Variants in SHISA6 observed in about 807,000 individuals in gnomAD.
The protein encoded by SHISA6 is shisa family member 6.
A neutral mutation model predicts 47.9 loss-of-function variants in SHISA6; 22 were observed. The ratio of observed to expected loss-of-function variants is 0.46; its 90% CI spans 0.33 to 0.66. The LOEUF is 0.66. Among genes scored for constraint, SHISA6 ranks in the 30% least tolerant of loss-of-function variants. The pLI is 0.02. For missense variants in SHISA6, 680 were observed against 764.6 expected (o/e 0.89, Z 1.30); for synonymous variants, 388 against 337.8 (o/e 1.15, Z -1.63).
rs903736502 is a variant in SHISA6 at position 11,385,217 on chromosome 17, C to T, written c.895+5708C>T. Reference sequence around the variant, plus strand: ...GTGACATTGAGCAAAGACTGACTGACGGATGTGAAGGATCAGGCCGTCTGG... The same window carrying T: ...GTGACATTGAGCAAAGACTGACTGATGGATGTGAAGGATCAGGCCGTCTGG... On this transcript the variant is annotated intron_variant, in intron 3 of 5. Coordinates refer to ENST00000441885, the MANE Select transcript of SHISA6 (RefSeq NM_207386.4). Among the ~76,000 whole-genome samples the T allele has an allele frequency of 9.2e-5, 14 of 152,096 alleles. 1 individual carries two copies. Among genetic ancestry groups the T allele is most frequent in the Admixed American group, 3.9e-4 (6 of 15,276 alleles).
In SHISA6 at chr17:11,558,361, G is replaced by T; in HGVS notation, c.*57G>T. The T allele has an allele frequency of 6.7e-7, 1 of 1,492,374 alleles. No individual in the cohort carries two copies. Among genetic ancestry groups the T allele is most frequent in the Non-Finnish European group, 8.9e-7 (1 of 1,117,514 alleles). 92.4% of individuals were successfully genotyped at this position (1,492,374 alleles called of 1,614,324 possible). ...GGCAGAGCAGAGCGGGGGCCGGGAGGGGCCAGGAGCAGAGCTTCTAGCCTT... is the reference window on the plus strand; with the variant it reads ...GGCAGAGCAGAGCGGGGGCCGGGAGTGGCCAGGAGCAGAGCTTCTAGCCTT... On this transcript the variant is annotated 3_prime_UTR_variant, in exon 6 of 6. Coordinates refer to ENST00000441885, the MANE Select transcript of SHISA6 (RefSeq NM_207386.4).
chr17:11,531,014 T>TA (rs2071727570), intron 3 of SHISA6, among the ~76,000 whole-genome samples: 1 of 152,146 alleles, frequency 6.6e-6, no homozygotes, highest in South Asian at 2.1e-4. Flanking sequence ...AGTGGACCAA[T>TA]AAAGTTTTTT....
At chr17:11,378,323 T>C (rs1413567049) in intron 2 of SHISA6, among the ~76,000 whole-genome samples, 2 of 151,206 alleles carry the variant, frequency 1.3e-5, no homozygotes, top group South Asian at 4.2e-4. Flanking sequence ...GTGCTTTTTT[T>C]CTATCTTGTG....
intron 2 of SHISA6, among the ~76,000 whole-genome samples, chr17:11,298,638 G>A (rs1306916453): frequency 6.6e-6 from 1 of 152,236 alleles, no homozygotes; most frequent in Non-Finnish European, 1.5e-5. Flanking sequence ...GTGCTAGGCA[G>A]TGTTGCAGTG....
chr17:11,540,213 C>T (rs983447206), intron 3 of SHISA6, among the ~76,000 whole-genome samples: 5 of 152,148 alleles, frequency 3.3e-5, no homozygotes, highest in Admixed American at 2.0e-4. Flanking sequence ...CCCTCTGTAT[C>T]GACTCTCCAC....
intron 3 of SHISA6, among the ~76,000 whole-genome samples, chr17:11,530,342 T>C (rs973490399): frequency 6.6e-6 from 1 of 152,188 alleles, no homozygotes; most frequent in Admixed American, 6.5e-5. Context: ...ATCATGGAAG[T>C]GTGCATTATT....
intron 3 of SHISA6, among the ~76,000 whole-genome samples, chr17:11,382,837 T>C (rs1055193947): frequency 6.6e-6 from 1 of 152,148 alleles, no homozygotes; most frequent in South Asian, 2.1e-4. Context: ...AATCAGACTC[T>C]GATTGTCCAA....
intron 3 of SHISA6, among the ~76,000 whole-genome samples, chr17:11,548,056 C>G (rs1337541584): frequency 6.6e-6 from 1 of 152,018 alleles, no homozygotes; most frequent in Admixed American, 6.6e-5. Flanking sequence ...CTAGCGCCAG[C>G]CTGCCTGGGT....
intron 2 of SHISA6, among the ~76,000 whole-genome samples, chr17:11,306,483 G>A (rs1206296471): frequency 1.3e-5 from 2 of 152,176 alleles, no homozygotes; most frequent in East Asian, 3.9e-4. Flanking sequence ...CCGCTCTCTG[G>A]GAAGCATGCC....
intron 3 of SHISA6, among the ~76,000 whole-genome samples, chr17:11,514,058 T>C (rs1280975538): frequency 6.6e-6 from 1 of 152,088 alleles, no homozygotes; most frequent in African/African-American, 2.4e-5. Flanking sequence ...GTGCTCCATT[T>C]CCCATGCTCT....
At position 11,514,680 on chromosome 17, in the gene SHISA6, G is replaced by A. The variant is rs184763113; in HGVS notation, c.896-37216G>A. ...TTATGTGGCTGAAGCCCAGAAAGGC[G>A]AGAGAGTTAATGCACCCAGAGGAAC... On this transcript the variant is annotated intron_variant, in intron 3 of 5. Transcript: ENST00000441885. Among the ~76,000 whole-genome samples the A allele has an allele frequency of 2.7e-3, 413 of 152,312 alleles. 2 individuals are homozygous for A. The highest frequency in any genetic ancestry group is 9.7e-3 in the African/African-American group (402 of 41,566).
At chr17:11,320,026 T>A (rs1910658128) in intron 2 of SHISA6, among the ~76,000 whole-genome samples, 1 of 152,202 alleles carries the variant, frequency 6.6e-6, no homozygotes, top group African/African-American at 2.4e-5. Context: ...TCAGTGGCTA[T>A]TTCCTTTTTG....
chr17:11,289,165 C>T (rs1161696083), intron 2 of SHISA6: 1 of 152,038 alleles, frequency 6.6e-6, no homozygotes, highest in Non-Finnish European at 1.5e-5. Context: ...TCCTGCCTTT[C>T]TTAAGGGGAT....
chr17:11,433,262 G>T (rs906717461), intron 3 of SHISA6, among the ~76,000 whole-genome samples: 3 of 152,022 alleles, frequency 2.0e-5, no homozygotes, highest in African/African-American at 7.3e-5. Flanking sequence ...GCCCCGGTGG[G>T]TGATGTTCCC....
At chr17:11,437,999 G>A (rs1914988460) in intron 3 of SHISA6, among the ~76,000 whole-genome samples, 1 of 152,040 alleles carries the variant, frequency 6.6e-6, no homozygotes, top group South Asian at 2.1e-4. Context: ...TTTGAGCCTC[G>A]GCAGGTTGAG....
intron 3 of SHISA6, among the ~76,000 whole-genome samples, chr17:11,454,919 C>G (rs113862331): frequency 0.048 from 7,243 of 152,172 alleles, 200 homozygotes; most frequent in African/African-American, 0.074. Context: ...CCTATAATCT[C>G]AGCACTTTGG....
chr17:11,560,297 C>G lies in SHISA6; in HGVS notation c.*1993C>G, dbSNP rs2072029947. On this transcript the variant is annotated 3_prime_UTR_variant, in exon 6 of 6. Transcript: ENST00000441885. ...GTGAAAGCCACTGTCAGACCCCACACTGGGGATGCATTCCTGGAGTCGTGC... is the reference window on the plus strand; with the variant it reads ...GTGAAAGCCACTGTCAGACCCCACAGTGGGGATGCATTCCTGGAGTCGTGC... The G allele has an allele frequency of 6.6e-6, 1 of 152,488 alleles. No individual in the cohort carries two copies. The highest frequency in any genetic ancestry group is 2.1e-4 in the South Asian group (1 of 4,838). 9.4% of individuals were successfully genotyped at this position (152,488 alleles called of 1,614,324 possible). A position where few individuals can be genotyped will look rare whatever the true frequency, so the allele number is the denominator to read the frequency against.
intron 2 of SHISA6, among the ~76,000 whole-genome samples, chr17:11,283,373 G>A (rs8075361): frequency 0.3 from 45,742 of 152,090 alleles, 7,190 homozygotes; most frequent in Middle Eastern, 0.35. Flanking sequence ...TTGCACACCA[G>A]TGGATATTAA....
intron 3 of SHISA6, among the ~76,000 whole-genome samples, chr17:11,495,314 T>C (rs2142341691): frequency 6.6e-6 from 1 of 152,306 alleles, no homozygotes; most frequent in African/African-American, 2.4e-5. Context: ...TCTCCTTCCT[T>C]CTCACCTTTC....
Sources: gnomAD v4.1 joint callset for allele counts (sites outside exome capture counted in the v4.1 genomes callset) on GRCh38, gnomAD v4.1.1 for gene constraint, MANE v1.5 for transcripts, NCBI Gene and HGNC (gene_info 2026-07-23, HGNC 2026-07-21) for gene names.